Variants in ODF1 observed in about 807,000 individuals in gnomAD.
ODF1 encodes outer dense fiber of sperm tails 1.
Under a neutral mutation model 24.0 loss-of-function variants are expected in ODF1, and 10 were observed. The ratio of observed to expected loss-of-function variants is 0.42; its 90% CI spans 0.26 to 0.71. The LOEUF (loss-of-function observed/expected upper bound fraction) is 0.71, where lower values mean the gene tolerates loss of function less well. Ranked by LOEUF, ODF1 falls within the 30% of genes least tolerant of loss-of-function variation. The pLI is 0.28. For synonymous variants in ODF1, 118 were observed against 121.3 expected (o/e 0.97, Z 0.18); for missense variants, 282 against 307.9 (o/e 0.92, Z 0.63).
intron 1 of ODF1, among the ~76,000 whole-genome samples, chr8:102,557,833 A>G (rs1288942446): frequency 1.3e-5 from 2 of 152,224 alleles, no homozygotes; most frequent in Non-Finnish European, 2.9e-5. Flanking sequence ...ACACCGTGGG[A>G]GAGTCTTGAA....
intron 1 of ODF1, among the ~76,000 whole-genome samples, chr8:102,557,858 C>A (rs1354529471): frequency 2.6e-5 from 4 of 152,226 alleles, no homozygotes; most frequent in Non-Finnish European, 5.9e-5. Flanking sequence ...CCAGAGAGTG[C>A]CCATCTTGCT....
At chr8:102,557,526 C>G (rs1055844818) in intron 1 of ODF1, among the ~76,000 whole-genome samples, 4 of 152,192 alleles carry the variant, frequency 2.6e-5, no homozygotes, top group Non-Finnish European at 5.9e-5. Context: ...AAAAGAGGAA[C>G]CCAAGCAACA....
At position 102,560,699 on chromosome 8, in the gene ODF1, T is replaced by C; in HGVS notation, c.568T>C (p.Tyr190His). ...CVDEKDVTYS[Y>H]GLGSCVKIES... ...GGATGAGAAGGATGTAACATACTCC[T>C]ATGGGCTCGGCAGCTGTGTCAAGAT... Residue 190 changes from tyrosine (Y) to histidine (H), a missense_variant, in exon 2 of 2, where the codon TAT becomes CAT. Tyr to His is a moderately conservative substitution (Grantham distance 83, BLOSUM62 2). Coordinates refer to ENST00000285402, the MANE Select transcript of ODF1 (RefSeq NM_024410.4). 6.2e-7 allele frequency: 1 copy of C among 1,614,080 alleles called. No individual in the cohort carries two copies. The highest frequency in any genetic ancestry group is 8.5e-7 in the Non-Finnish European group (1 of 1,180,030).
At chr8:102,553,204 TACAA>T (rs1330574318) in intron 1 of ODF1, among the ~76,000 whole-genome samples, 1 of 65,678 alleles carries the variant, frequency 1.5e-5, no homozygotes, top group Non-Finnish European at 3.0e-5. Context: ...CTCTACTAAA[TACAA>T]AAAAAAAAAA....
At chr8:102,554,808 A>T (rs1426261946) in intron 1 of ODF1, among the ~76,000 whole-genome samples, 1 of 152,150 alleles carries the variant, frequency 6.6e-6, no homozygotes, top group Non-Finnish European at 1.5e-5. Context: ...AAATAAAAAA[A>T]TTAACCAAGT....
intron 1 of ODF1, among the ~76,000 whole-genome samples, chr8:102,558,493 A>G (rs1826139632): frequency 6.6e-6 from 1 of 152,106 alleles, no homozygotes; most frequent in Non-Finnish European, 1.5e-5. Context: ...GGGACTGAAT[A>G]CAGTCCTCTG....
Position 102,560,787 on chromosome 8 carries a change from A to ACCCCTGCAG in ODF1, c.665_673dup (p.Ser222_Cys224dup). ...CCCTGCAGCCCCTGCAGCCCCTGCAACCCCTGCAGCCCCTGCAACCCGTGC... is the reference window on the plus strand; with the variant it reads ...CCCTGCAGCCCCTGCAGCCCCTGCAACCCCTGCAGCCCCTGCAGCCCCTGCAACCCGTGC... On this transcript the variant is annotated inframe_insertion, in exon 2 of 2. Transcript: ENST00000285402. 2 of 889,518 alleles carry ACCCCTGCAG rather than the reference A, an allele frequency of 2.2e-6. No individual in the cohort carries two copies. The highest frequency in any genetic ancestry group is 3.0e-6 in the Non-Finnish European group (2 of 659,200). 55.1% of individuals were successfully genotyped at this position (889,518 alleles called of 1,614,324 possible). A position where few individuals can be genotyped will look rare whatever the true frequency, so the allele number is the denominator to read the frequency against.
intron 1 of ODF1, among the ~76,000 whole-genome samples, chr8:102,555,953 A>G (rs1826105691): frequency 6.6e-6 from 1 of 152,172 alleles, no homozygotes; most frequent in Non-Finnish European, 1.5e-5. Flanking sequence ...ATCTAGGCCA[A>G]ATGCATTGGT....
rs766155087 is a variant in ODF1, at chr8:102,555,626, ACAGT to A, written c.320+3583_320+3586del. On this transcript the variant is annotated intron_variant, in intron 1 of 1. Coordinates refer to ENST00000285402, the MANE Select transcript of ODF1 (RefSeq NM_024410.4). ...CCACTCTTGCTTGGTGAGGCTGATG[ACAGT>A]CAGGCCTCATGGTGAGCTCTTTGTG... 3.6e-4 allele frequency among the ~76,000 whole-genome samples: 55 copies of A among 152,304 alleles called. 1 individual carries two copies. The highest frequency in any genetic ancestry group is 6.8e-3 in the Middle Eastern group (2 of 294).
Position 102,554,476 on chromosome 8 carries a change from C to A in ODF1, c.320+2429C>A, listed in dbSNP as rs116121816. Among the ~76,000 whole-genome samples the A allele has an allele frequency of 3.2e-3, 491 of 152,308 alleles. 2 individuals carry two copies. Among genetic ancestry groups the A allele is most frequent in the African/African-American group, 0.011 (475 of 41,572 alleles). ...ACTCTATAGTCTATAGTTGCCTTGG[C>A]CCCCTTGAAACTGTTTTTCTGTGTC... is the stretch of plus-strand genomic sequence containing the variant. On this transcript the variant is annotated intron_variant, in intron 1 of 1. Coordinates refer to ENST00000285402, the MANE Select transcript of ODF1 (RefSeq NM_024410.4).
intron 1 of ODF1, among the ~76,000 whole-genome samples, chr8:102,554,518 G>A (rs1223416825): frequency 6.6e-6 from 1 of 152,206 alleles, no homozygotes; most frequent in Non-Finnish European, 1.5e-5. Flanking sequence ...AATCTGCTGT[G>A]TCTCTGGGTC....
At chr8:102,555,923 G>C (rs1654329307) in intron 1 of ODF1, among the ~76,000 whole-genome samples, 1 of 152,198 alleles carries the variant, frequency 6.6e-6, no homozygotes, top group Admixed American at 6.5e-5. Context: ...CCTTGGCTGT[G>C]GGGGTAAGAG....
At chr8:102,553,598 G>A (rs998638274) in intron 1 of ODF1, among the ~76,000 whole-genome samples, 3 of 152,128 alleles carry the variant, frequency 2.0e-5, no homozygotes, top group African/African-American at 7.2e-5. Flanking sequence ...GTTTCCTTGT[G>A]AGCAGATCAG....
intron 1 of ODF1, 151 bp downstream of exon 1, chr8:102,552,198 G>C (rs1268772955): frequency 5.2e-6 from 3 of 580,124 alleles, no homozygotes; most frequent in South Asian, 5.5e-5. Context: ...AAGGAAAGAA[G>C]AGTAAATGAG....
At chr8:102,555,166 G>A (rs1826097687) in intron 1 of ODF1, among the ~76,000 whole-genome samples, 1 of 152,078 alleles carries the variant, frequency 6.6e-6, no homozygotes, top group Admixed American at 6.6e-5. Flanking sequence ...ATTTAGAGGG[G>A]CTGAGGGGAC....
intron 1 of ODF1, among the ~76,000 whole-genome samples, chr8:102,553,623 C>T (rs996325136): frequency 6.6e-6 from 1 of 152,150 alleles, no homozygotes; most frequent in Non-Finnish European, 1.5e-5. Flanking sequence ...CACTCTCCTC[C>T]TACTTTTGGA....
intron 1 of ODF1, among the ~76,000 whole-genome samples, chr8:102,554,952 T>C (rs1826094434): frequency 6.6e-6 from 1 of 152,110 alleles, no homozygotes; most frequent in Non-Finnish European, 1.5e-5. Context: ...AAAGAGACCC[T>C]GTTTCAAAAA....
intron 1 of ODF1, among the ~76,000 whole-genome samples, chr8:102,553,012 A>T (rs377186704): frequency 3.2e-5 from 3 of 92,912 alleles, no homozygotes; most frequent in Admixed American, 1.2e-4. Context: ...AGATAGATAG[A>T]TAGATGATAG....
chr8:102,560,411 G>C (rs1183513119), intron 1 of ODF1, 41 bp from the exon 2 acceptor site: 1 of 1,578,834 alleles, frequency 6.3e-7, no homozygotes, highest in Non-Finnish European at 8.7e-7. Flanking sequence ...GGATTCTGAG[G>C]TCTGAGCTCC....
Sources: allele counts gnomAD v4.1 joint callset (sites outside exome capture counted in the v4.1 genomes callset), GRCh38; gene constraint gnomAD v4.1.1; transcripts MANE v1.5; gene names NCBI Gene and HGNC (gene_info 2026-07-23, HGNC 2026-07-21).